Variants in PDE11A observed in about 807,000 individuals in gnomAD.
PDE11A encodes phosphodiesterase 11A.
Under a neutral mutation model 100.5 loss-of-function variants are expected in PDE11A, and 100 were observed. That is an observed-to-expected ratio of 1.00 (90% confidence interval 0.85 to 1.18). The LOEUF (loss-of-function observed/expected upper bound fraction) is 1.18, where lower values mean the gene tolerates loss of function less well. Among genes scored for constraint, PDE11A ranks in the 50% most tolerant of loss-of-function variants. The pLI is 0.00. For missense variants in PDE11A, 1,141 were observed against 1,152.6 expected (o/e 0.99, Z 0.15); for synonymous variants, 381 against 420.8 (o/e 0.91, Z 1.16).
chr2:178,086,195 G>A (rs757357227), intron 2 of PDE11A, among the ~76,000 whole-genome samples: 4 of 152,162 alleles, frequency 2.6e-5, no homozygotes, highest in East Asian at 3.8e-4. Flanking sequence ...CAGGACTGCC[G>A]ACCTTCCTAC....
rs144998558 is a variant in PDE11A at position 177,813,165 on chromosome 2, C to T, written c.1737+3664G>A. On this transcript the variant is annotated intron_variant, in intron 9 of 19. Transcript: ENST00000286063. ...CACCCTGCTCTGCCTCATCTTTCAGCGTGCACTGTCTCTGCTACTACCTAA... is the reference window on the plus strand; with the variant it reads ...CACCCTGCTCTGCCTCATCTTTCAGTGTGCACTGTCTCTGCTACTACCTAA... 1.5e-4 allele frequency among the ~76,000 whole-genome samples: 23 copies of T among 151,990 alleles called. No homozygotes were observed. In the East Asian group the frequency reaches 2.3e-3, roughly 15 times the overall value.
chr2:177,684,478 T>A (rs373963430), intron 15 of PDE11A, among the ~76,000 whole-genome samples: 7 of 152,302 alleles, frequency 4.6e-5, no homozygotes, highest in African/African-American at 1.7e-4. Context: ...AGATCTGAAC[T>A]TGTACTTGAA....
At chr2:177,933,913 T>A (rs1020504498) in intron 2 of PDE11A, among the ~76,000 whole-genome samples, 1 of 152,184 alleles carries the variant, frequency 6.6e-6, no homozygotes, top group African/African-American at 2.4e-5. Flanking sequence ...GGTGTTGGGA[T>A]AGCTGGCGAG....
rs553002193 is a variant in PDE11A at position 177,979,921 on chromosome 2, T to C, written c.1071+34381A>G. ...CACCGCGCCCGGCAGATGATCATTT[T>C]TATCAAACAATAGTGAAAACATCAA... On this transcript the variant is annotated intron_variant, in intron 2 of 19. Transcript: ENST00000286063. 6.6e-5 allele frequency among the ~76,000 whole-genome samples: 10 copies of C among 150,668 alleles called. No homozygotes were observed. In the East Asian group the frequency reaches 1.9e-3, roughly 29 times the overall value.
intron 17 of PDE11A, 70 bp from the exon 18 acceptor site, chr2:177,669,637 C>T (rs1427045031): frequency 3.8e-6 from 3 of 796,156 alleles, no homozygotes; most frequent in African/African-American, 3.4e-5. Context: ...TTCTTTCTTG[C>T]TTATGTATTT....
intron 5 of PDE11A, among the ~76,000 whole-genome samples, chr2:177,846,105 A>G (rs892408597): frequency 6.6e-6 from 1 of 152,130 alleles, no homozygotes; most frequent in Admixed American, 6.5e-5. Flanking sequence ...ATAATGCAGA[A>G]TCGTAACACT....
chr2:177,735,472 AAAG>A (rs2081766303), intron 10 of PDE11A, among the ~76,000 whole-genome samples: 1 of 152,138 alleles, frequency 6.6e-6, no homozygotes, highest in South Asian at 2.1e-4. Flanking sequence ...TATGAGATGC[AAAG>A]AAGCACAATG....
At chr2:177,795,084 C>T (rs1031538474) in intron 9 of PDE11A, among the ~76,000 whole-genome samples, 5 of 152,014 alleles carry the variant, frequency 3.3e-5, no homozygotes, top group African/African-American at 7.3e-5. Flanking sequence ...TGCACCCAGC[C>T]GGTGTCTGGT....
intron 6 of PDE11A, among the ~76,000 whole-genome samples, chr2:177,826,492 G>A (rs59911830): frequency 0.097 from 14,706 of 152,236 alleles, 742 homozygotes; most frequent in Middle Eastern, 0.14. Context: ...TTCCCAGTCA[G>A]TCCCTTGATT....
chr2:177,779,171 A>G (rs2082418893), intron 9 of PDE11A, among the ~76,000 whole-genome samples: 1 of 152,198 alleles, frequency 6.6e-6, no homozygotes, highest in African/African-American at 2.4e-5. Flanking sequence ...GTGTAATAGC[A>G]TATCTAAAAA....
chr2:177,955,738 C>A (rs1174261509), intron 2 of PDE11A, among the ~76,000 whole-genome samples: 1 of 152,120 alleles, frequency 6.6e-6, no homozygotes, highest in Non-Finnish European at 1.5e-5. Flanking sequence ...CAGAACAGAG[C>A]CCTCAGAAAT....
intron 2 of PDE11A, among the ~76,000 whole-genome samples, chr2:177,979,078 A>T (rs1298216184): frequency 6.0e-5 from 3 of 49,712 alleles, no homozygotes; most frequent in South Asian, 7.1e-4. Flanking sequence ...AGAGTATAAT[A>T]AAAAAAAAAA....
At chr2:177,833,226 A>T (rs1373602170) in intron 6 of PDE11A, among the ~76,000 whole-genome samples, 2 of 152,158 alleles carry the variant, frequency 1.3e-5, no homozygotes, top group African/African-American at 2.4e-5. Context: ...GGCCACTCTT[A>T]TCATACTGCT....
intron 1 of PDE11A, among the ~76,000 whole-genome samples, chr2:178,070,950 A>G (rs115067455): frequency 2.2e-3 from 328 of 152,348 alleles, no homozygotes; most frequent in African/African-American, 7.7e-3. Context: ...AGTGAGTCAC[A>G]GGACCATTTT....
intron 10 of PDE11A, among the ~76,000 whole-genome samples, chr2:177,737,145 C>G (rs1417891026): frequency 6.6e-6 from 1 of 152,010 alleles, no homozygotes; most frequent in Non-Finnish European, 1.5e-5. Context: ...GAGACTGAGG[C>G]AGGAGAATCG....
chr2:177,792,797 T>A (rs1384378657), intron 9 of PDE11A, among the ~76,000 whole-genome samples: 1 of 152,240 alleles, frequency 6.6e-6, no homozygotes, highest in Non-Finnish European at 1.5e-5. Flanking sequence ...GATGTACCGA[T>A]GAATGAACCA....
intron 2 of PDE11A, chr2:177,998,079 A>G: frequency 7.6e-7 from 1 of 1,312,430 alleles, no homozygotes; most frequent in South Asian, 1.2e-5. Context: ...CACACTCAGG[A>G]TCTGAGGGAT....
chr2:177,637,870 T>C (rs2080064948), intron 19 of PDE11A, among the ~76,000 whole-genome samples: 1 of 149,530 alleles, frequency 6.7e-6, no homozygotes, highest in Non-Finnish European at 1.5e-5. Context: ...TAATCTGCTA[T>C]GGATCTCATC....
intron 10 of PDE11A, among the ~76,000 whole-genome samples, chr2:177,763,465 G>A (rs903577566): frequency 6.6e-6 from 1 of 152,284 alleles, no homozygotes; most frequent in African/African-American, 2.4e-5. Context: ...CATGAGAACT[G>A]AGACTGTAGA....
Sources: gnomAD v4.1 joint callset for allele counts (sites outside exome capture counted in the v4.1 genomes callset) on GRCh38, gnomAD v4.1.1 for gene constraint, MANE v1.5 for transcripts, NCBI Gene and HGNC (gene_info 2026-07-23, HGNC 2026-07-21) for gene names.